The following NELL1 variants were observed in gnomAD, a reference collection of about 807,000 sequenced individuals.
NELL1 encodes the protein protein kinase C-binding protein NELL1.
Under a neutral mutation model 107.4 loss-of-function variants are expected in NELL1, and 76 were observed. The ratio of observed to expected loss-of-function variants is 0.71; its 90% CI spans 0.59 to 0.86. NELL1 has a LOEUF of 0.86. NELL1 is among the 40% of genes least tolerant of loss of function. The pLI is 0.00. For missense variants in NELL1, 1,024 were observed against 1,005.5 expected (o/e 1.02, Z -0.25); for synonymous variants, 353 against 341.2 (o/e 1.03, Z -0.38).
At chr11:21,388,858 A>G (rs1851804327) in intron 15 of NELL1, among the ~76,000 whole-genome samples, 1 of 151,848 alleles carries the variant, frequency 6.6e-6, no homozygotes, top group Non-Finnish European at 1.5e-5. Context: ...TATCTACTGT[A>G]CCAACAGTTT....
At chr11:21,428,019 T>C (rs539934651) in intron 15 of NELL1, among the ~76,000 whole-genome samples, 12 of 152,328 alleles carry the variant, frequency 7.9e-5, no homozygotes, top group African/African-American at 2.9e-4. Context: ...ATCCTGAAGC[T>C]GAATAGACAA....
At chr11:21,229,592 T>C in intron 14 of NELL1, 138 bp downstream of exon 14, 1 of 1,195,110 alleles carries the variant, frequency 8.4e-7, no homozygotes, top group Non-Finnish European at 1.2e-6. Flanking sequence ...CTGGCAAGGG[T>C]ACTGTGCGTC....
At chr11:21,291,647 C>A (rs182077916) in intron 14 of NELL1, among the ~76,000 whole-genome samples, 10 of 152,300 alleles carry the variant, frequency 6.6e-5, no homozygotes, top group Middle Eastern at 3.4e-3. Context: ...TGCCAGTATT[C>A]CCTGATGAAC....
At chr11:21,366,328 G>A (rs1851219862) in intron 14 of NELL1, among the ~76,000 whole-genome samples, 1 of 152,084 alleles carries the variant, frequency 6.6e-6, no homozygotes, top group African/African-American at 2.4e-5. Flanking sequence ...AAAGAAGAAT[G>A]GCAGGCATGG....
chr11:21,434,100 G>C (rs1352252370), intron 15 of NELL1, among the ~76,000 whole-genome samples: 1 of 152,114 alleles, frequency 6.6e-6, no homozygotes, highest in Non-Finnish European at 1.5e-5. Flanking sequence ...TTAATCTCTT[G>C]TCAGGTTAAG....
chr11:20,983,622 A>T (rs912766721), intron 12 of NELL1, among the ~76,000 whole-genome samples: 1 of 151,984 alleles, frequency 6.6e-6, no homozygotes, highest in African/African-American at 2.4e-5. Flanking sequence ...ACTTGTTTTT[A>T]TCTACTGAGT....
chr11:21,418,558 G>C (rs1036134059), intron 15 of NELL1, among the ~76,000 whole-genome samples: 2 of 152,102 alleles, frequency 1.3e-5, no homozygotes, highest in African/African-American at 4.8e-5. Context: ...TATTAGCACA[G>C]TGCTAATTGC....
intron 4 of NELL1, among the ~76,000 whole-genome samples, chr11:20,861,613 A>C (rs907747432): frequency 3.3e-5 from 5 of 152,188 alleles, no homozygotes; most frequent in African/African-American, 1.2e-4. Flanking sequence ...CTGCACTGAG[A>C]TGGGAGTAAC....
intron 14 of NELL1, among the ~76,000 whole-genome samples, chr11:21,357,375 G>A (rs1273460149): frequency 6.6e-6 from 1 of 151,994 alleles, no homozygotes; most frequent in Non-Finnish European, 1.5e-5. Context: ...AGCTCATTGT[G>A]GTTTTAATTT....
Position 20,967,854 on chromosome 11 carries a change from C to T in NELL1, c.1300+7294C>T, listed in dbSNP as rs114242237. On this transcript the variant is annotated intron_variant, in intron 12 of 19. Transcript: ENST00000357134. ...TCTTAGAATAATACCCAAATTTGGT[C>T]CTGTGTCAGGCCCTATGTGAACTGG... 5.7e-3 allele frequency among the ~76,000 whole-genome samples: 863 copies of T among 152,272 alleles called. 12 individuals carry two copies. The highest frequency in any genetic ancestry group is 0.02 in the African/African-American group (819 of 41,554).
intron 13 of NELL1, among the ~76,000 whole-genome samples, chr11:21,127,067 A>G (rs1430875895): frequency 6.6e-6 from 1 of 152,180 alleles, no homozygotes; most frequent in Admixed American, 6.5e-5. Context: ...GCTGGCTGGC[A>G]TCTAGTTATT....
At chr11:20,737,894 C>A (rs566311416) in intron 2 of NELL1, among the ~76,000 whole-genome samples, 207 of 150,866 alleles carry the variant, frequency 1.4e-3, no homozygotes, top group Non-Finnish European at 2.0e-3. Context: ...AGAGTTGGAA[C>A]GATCAGGAAT....
intron 15 of NELL1, among the ~76,000 whole-genome samples, chr11:21,439,206 G>C (rs1405736772): frequency 1.3e-5 from 2 of 152,074 alleles, no homozygotes; most frequent in African/African-American, 4.8e-5. Context: ...CACAGAAACA[G>C]AAAGTCAGTG....
At chr11:20,940,291 G>A (rs953008607) in intron 10 of NELL1, among the ~76,000 whole-genome samples, 4 of 149,836 alleles carry the variant, frequency 2.7e-5, no homozygotes, top group Admixed American at 6.7e-5. Flanking sequence ...ACCGGGTCTC[G>A]CTCTGTCTCC....
At chr11:20,951,222 T>C (rs548633176) in intron 11 of NELL1, among the ~76,000 whole-genome samples, 3 of 152,356 alleles carry the variant, frequency 2.0e-5, no homozygotes, top group South Asian at 2.1e-4. Context: ...ATTTTACATA[T>C]GAAATAAGGT....
At chr11:21,394,263 C>T (rs1044205372) in intron 15 of NELL1, among the ~76,000 whole-genome samples, 1 of 151,512 alleles carries the variant, frequency 6.6e-6, no homozygotes, top group African/African-American at 2.4e-5. Context: ...AAGCACAGGA[C>T]AGTAGGATTC....
chr11:21,097,008 C>T (rs1009262004), intron 12 of NELL1, among the ~76,000 whole-genome samples: 15 of 152,104 alleles, frequency 9.9e-5, no homozygotes, highest in African/African-American at 3.1e-4. Flanking sequence ...CGAGCCACCA[C>T]CCCTGGCCTT....
intron 2 of NELL1, among the ~76,000 whole-genome samples, chr11:20,718,369 A>G (rs1043503959): frequency 8.5e-5 from 13 of 152,194 alleles, no homozygotes; most frequent in African/African-American, 2.9e-4. Flanking sequence ...AAACAGTATC[A>G]GAATTTTAAA....
At chr11:20,719,535 A>C (rs1855329499) in intron 2 of NELL1, among the ~76,000 whole-genome samples, 1 of 152,324 alleles carries the variant, frequency 6.6e-6, no homozygotes, top group Admixed American at 6.5e-5. Flanking sequence ...AGACATTACA[A>C]GGATCCTTAC....
Sources: allele counts gnomAD v4.1 joint callset (sites outside exome capture counted in the v4.1 genomes callset), GRCh38; gene constraint gnomAD v4.1.1; transcripts MANE v1.5; gene names NCBI Gene and HGNC (gene_info 2026-07-23, HGNC 2026-07-21).